Variants in ESAM observed in about 807,000 individuals in gnomAD.
ESAM encodes endothelial cell-selective adhesion molecule.
Under a neutral mutation model 31.8 loss-of-function variants are expected in ESAM, and 23 were observed. The observed-to-expected ratio is 0.72, with a 90% confidence interval of 0.52 to 1.03. The LOEUF (loss-of-function observed/expected upper bound fraction) is 1.03, where lower values mean the gene tolerates loss of function less well. Among genes scored for constraint, ESAM ranks in the 50% least tolerant of loss-of-function variants. The probability of loss-of-function intolerance (pLI) is 0.00; values close to 1 mark genes in which losing one functional copy is unlikely to be tolerated. For missense variants in ESAM, 478 were observed against 488.9 expected (o/e 0.98, Z 0.21); for synonymous variants, 216 against 207.2 (o/e 1.04, Z -0.37).
chr11:124,753,907 G>A lies in ESAM; in HGVS notation c.912C>T (p.Ile304=), dbSNP rs1944123234. Residue 304 remains isoleucine, a synonymous_variant, in exon 7 of 7, where the codon ATC becomes ATT. Coordinates refer to ENST00000278927, the MANE Select transcript of ESAM (RefSeq NM_138961.3). Reference sequence around the variant, plus strand: ...CAGAGGAAAGGGTCCCATTCTTGGAGATTGTGTCTGAGCTCTTGGGCCAGG... The same window carrying A: ...CAGAGGAAAGGGTCCCATTCTTGGAAATTGTGTCTGAGCTCTTGGGCCAGG... ...TLPWPKSSDT[I]SKNGTLSSVT... 2 of 1,614,070 alleles carry A rather than the reference G, an allele frequency of 1.2e-6. No homozygotes were observed. The highest frequency in any genetic ancestry group is 1.3e-5 in the African/African-American group (1 of 75,036).
intron 1 of ESAM, among the ~76,000 whole-genome samples, chr11:124,761,297 C>T (rs188891043): frequency 3.2e-3 from 489 of 152,312 alleles, no homozygotes; most frequent in Middle Eastern, 6.8e-3. Context: ...GAGTTCTGAG[C>T]CACCCCAGCT....
Position 124,754,370 on chromosome 11 carries a change from A to T in ESAM, c.731-30T>A, listed in dbSNP as rs775652027. The T allele has an allele frequency of 3.1e-6, 5 of 1,611,278 alleles. No individual in the cohort carries two copies. The South Asian group carries it at 4.4e-5, about 14-fold the overall frequency. ...AAAAGGCGTCGTGTCAGAGGAGGACACCCAGCTGAGGGGTTCTCACCCCTC... is the reference window on the plus strand; with the variant it reads ...AAAAGGCGTCGTGTCAGAGGAGGACTCCCAGCTGAGGGGTTCTCACCCCTC... On this transcript the variant is annotated intron_variant, in intron 5 of 6. Coordinates refer to ENST00000278927, the MANE Select transcript of ESAM (RefSeq NM_138961.3). This position sits in a 1 kb window ranked among gnomAD's most constrained non-coding sequence, Gnocchi z 4.5.
At position 124,754,596 on chromosome 11, in the gene ESAM, C is replaced by G. The variant is rs1437979105; in HGVS notation, c.730+45G>C. 1.5e-5 allele frequency: 23 copies of G among 1,585,712 alleles called. No individual in the cohort carries two copies. The Admixed American group carries it at 4.0e-4, about 28-fold the overall frequency. ...CCTCCTCCCCACTTGCAACCCCTCC[C>G]CCACCATTGACCACTCTTCTTAACC... On this transcript the variant is annotated intron_variant, in intron 5 of 6. Coordinates refer to ENST00000278927, the MANE Select transcript of ESAM (RefSeq NM_138961.3). This position sits in a 1 kb window ranked among gnomAD's most constrained non-coding sequence, Gnocchi z 4.5.
intron 1 of ESAM, among the ~76,000 whole-genome samples, chr11:124,761,220 G>A (rs1222773708): frequency 1.3e-5 from 2 of 152,208 alleles, no homozygotes; most frequent in Non-Finnish European, 2.9e-5. Flanking sequence ...GAGATGGCAA[G>A]AAAGCTGAGG....
rs1057010233 is a variant in ESAM, at chr11:124,759,819, C to G, written c.71-1292G>C. 5.3e-5 allele frequency among the ~76,000 whole-genome samples: 8 copies of G among 152,164 alleles called. No individual in the cohort carries two copies. Among genetic ancestry groups the G allele is most frequent in the Non-Finnish European group, 1.0e-4 (7 of 68,008 alleles). ...AAGGCAGAAGACAATGAAGGGGGGG[C>G]CACTAGACCGGAGGCTCTACGGGAG... On this transcript the variant is annotated intron_variant, in intron 1 of 6. Coordinates refer to ENST00000278927, the MANE Select transcript of ESAM (RefSeq NM_138961.3). The surrounding 1 kb of genome is among the most constrained non-coding windows in gnomAD (Gnocchi z 6.8).
Position 124,762,102 on chromosome 11 carries a change from A to T in ESAM, c.53T>A (p.Leu18Gln). The T allele has an allele frequency of 6.2e-7, 1 of 1,610,366 alleles. No individual in the cohort carries two copies. Among genetic ancestry groups the T allele is most frequent in the Non-Finnish European group, 8.5e-7 (1 of 1,178,218 alleles). Residue 18 changes from leucine to glutamine, a missense_variant, in exon 1 of 7, where the codon CTG becomes CAG. By Grantham distance (113) the Leu-to-Gln change is moderately radical (BLOSUM62 -2). Coordinates refer to ENST00000278927, the MANE Select transcript of ESAM (RefSeq NM_138961.3). The surrounding 1 kb of genome is among the most constrained non-coding windows in gnomAD (Gnocchi z 6.4). ...TCACTCACCGAGGGCACTCAGCCCC[A>T]GGAACAAAAACCGCAGCAAGTTGGT... is the stretch of plus-strand genomic sequence containing the variant. Reference protein sequence around the residue: ...LVTNLLRFLFLGLSALAPPSR... With the variant: ...LVTNLLRFLFQGLSALAPPSR...
At chr11:124,760,969 T>TG (rs1048310189) in intron 1 of ESAM, among the ~76,000 whole-genome samples, 3 of 152,168 alleles carry the variant, frequency 2.0e-5, no homozygotes, top group Admixed American at 2.0e-4. Flanking sequence ...TGGTGTGGCC[T>TG]GGGGGGCTGT....
rs773732062 is a variant in ESAM, at chr11:124,758,525, G to C, written c.73C>G (p.Pro25Ala). 6.4e-7 allele frequency: 1 copy of C among 1,552,342 alleles called. No individual in the cohort carries two copies. The highest frequency in any genetic ancestry group is 1.2e-5 in the South Asian group (1 of 83,388). Reference protein sequence around the residue: ...FLFLGLSALAPPSRAQLQLHL... With the variant: ...FLFLGLSALAAPSRAQLQLHL... ...AGTTGCAGCTGGGCCCGCGAGGGGGGCGCTGGAGACAAGAGCGAGGCGTGA... is the reference window on the plus strand; with the variant it reads ...AGTTGCAGCTGGGCCCGCGAGGGGGCCGCTGGAGACAAGAGCGAGGCGTGA... Residue 25 changes from proline (P) to alanine (A), a missense_variant and splice_region_variant, in exon 2 of 7, where the codon CCC (proline) becomes GCC (alanine). By Grantham distance (27) the Pro-to-Ala change is conservative. Transcript: ENST00000278927.
rs141883305 is a variant in ESAM at position 124,758,615 on chromosome 11, A to G, written c.71-88T>C. ...CCCTACGCGGCTTCACCAGAGAGCG[A>G]GGAAAGTCGCTTTAACTGGAAAGAG... On this transcript the variant is annotated intron_variant, in intron 1 of 6. Transcript: ENST00000278927. 6 of 1,405,036 alleles carry G rather than the reference A, an allele frequency of 4.3e-6. No individual in the cohort carries two copies. In the East Asian group the frequency reaches 1.6e-4, roughly 37 times the overall value. 87.0% of individuals were successfully genotyped at this position (1,405,036 alleles called of 1,614,324 possible).
chr11:124,756,940 G>A, intron 2 of ESAM, 198 bp from the exon 3 acceptor site: 1 of 595,242 alleles, frequency 1.7e-6, no homozygotes, highest in Non-Finnish European at 3.0e-6. Flanking sequence ...CACCAGAACA[G>A]TTCTTCGTTC....
chr11:124,754,009 A>G lies in ESAM; in HGVS notation c.858-48T>C, dbSNP rs1255142145. 6.3e-7 allele frequency: 1 copy of G among 1,599,480 alleles called. No individual in the cohort carries two copies. Among genetic ancestry groups the G allele is most frequent in the Non-Finnish European group, 8.5e-7 (1 of 1,172,810 alleles). ...GAGGTCAGAAGTGGGTGGGGGAAGG[A>G]GGAGAGAGTTTCTACCTGCTTGGTC... is the stretch of plus-strand genomic sequence containing the variant. On this transcript the variant is annotated intron_variant, in intron 6 of 6. Transcript: ENST00000278927. The surrounding 1 kb of genome is among the most constrained non-coding windows in gnomAD (Gnocchi z 4.5).
At chr11:124,760,645 C>T (rs1944218005) in intron 1 of ESAM, among the ~76,000 whole-genome samples, 1 of 152,228 alleles carries the variant, frequency 6.6e-6, no homozygotes, top group African/African-American at 2.4e-5. Context: ...GGGCAACCCC[C>T]CAGGGGGACC....
rs755020934 is a variant in ESAM, at chr11:124,754,090, C to G, written c.857+124G>C. The G allele has an allele frequency of 5.8e-5, 90 of 1,553,472 alleles. No individual in the cohort carries two copies. The highest frequency in any genetic ancestry group is 7.8e-5 in the Non-Finnish European group (89 of 1,146,702). ...TACTCCTTTCCCTCTCCCTTAAAAC[C>G]TGCCCATAGGAATGATGTTTCAGCC... is the stretch of plus-strand genomic sequence containing the variant. On this transcript the variant is annotated intron_variant, in intron 6 of 6. Coordinates refer to ENST00000278927, the MANE Select transcript of ESAM (RefSeq NM_138961.3). This position sits in a 1 kb window ranked among gnomAD's most constrained non-coding sequence, Gnocchi z 4.5.
rs1457663115 is a variant in ESAM at position 124,762,019 on chromosome 11, C to T, written c.70+66G>A. The stretch of plus-strand genomic sequence containing the variant: ...CAGTTCCGCAGCAGTGGCCAAAGTT[C>T]TCCCTCAGGGTCGAACTCACCCCAT... On this transcript the variant is annotated intron_variant, in intron 1 of 6. Coordinates refer to ENST00000278927, the MANE Select transcript of ESAM (RefSeq NM_138961.3). The surrounding 1 kb of genome is among the most constrained non-coding windows in gnomAD (Gnocchi z 6.4). 5.5e-6 allele frequency: 8 copies of T among 1,451,248 alleles called. No individual in the cohort carries two copies. The highest frequency in any genetic ancestry group is 2.4e-5 in the South Asian group (2 of 83,554). 89.9% of individuals were successfully genotyped at this position (1,451,248 alleles called of 1,614,324 possible).
Position 124,753,765 on chromosome 11 carries a change from C to T in ESAM, c.1054G>A (p.Gly352Arg). ...LPSPRLPTTD[G>R]AHPQPISPIP... is the part of the protein sequence containing the mutation. ...GGGGATATTGGTTGAGGGTGGGCCCCATCTGTCGTGGGCAGTCTTGGTGAG... is the reference window on the plus strand; with the variant it reads ...GGGGATATTGGTTGAGGGTGGGCCCTATCTGTCGTGGGCAGTCTTGGTGAG... Residue 352 changes from glycine (G) to arginine (R), a missense_variant, in exon 7 of 7, where the codon GGG becomes AGG. By Grantham distance (125) the Gly-to-Arg change is moderately radical. Transcript: ENST00000278927. 1.9e-6 allele frequency: 3 copies of T among 1,614,066 alleles called. No individual in the cohort carries two copies. Among genetic ancestry groups the T allele is most frequent in the Non-Finnish European group, 1.7e-6 (2 of 1,179,980 alleles).
At chr11:124,757,950 C>T (rs540585323) in intron 2 of ESAM, among the ~76,000 whole-genome samples, 3 of 152,206 alleles carry the variant, frequency 2.0e-5, no homozygotes, top group East Asian at 3.9e-4. Flanking sequence ...GTGCCCACCT[C>T]GGCCTCCCAA....
rs541572581 is a variant in ESAM at position 124,753,407 on chromosome 11, A to C, written c.*239T>G. On this transcript the variant is annotated 3_prime_UTR_variant, in exon 7 of 7. Coordinates refer to ENST00000278927, the MANE Select transcript of ESAM (RefSeq NM_138961.3). ...AGCTAATTTCAGCAGCTGGCTTCAT[A>C]AGGAGGAGTCAGGGGTGGGTGGAGG... The C allele has an allele frequency of 1.9e-6, 1 of 535,334 alleles. No individual in the cohort carries two copies. Among genetic ancestry groups the C allele is most frequent in the East Asian group, 3.3e-5 (1 of 30,752 alleles). 33.2% of individuals were successfully genotyped at this position (535,334 alleles called of 1,614,324 possible). A position where few individuals can be genotyped will look rare whatever the true frequency, so the allele number is the denominator to read the frequency against.
At position 124,754,152 on chromosome 11, in the gene ESAM, T is replaced by G; in HGVS notation, c.857+62A>C. The G allele has an allele frequency of 6.3e-7, 1 of 1,587,096 alleles. No homozygotes were observed. The highest frequency in any genetic ancestry group is 1.2e-5 in the South Asian group (1 of 86,158). On this transcript the variant is annotated intron_variant, in intron 6 of 6. Coordinates refer to ENST00000278927, the MANE Select transcript of ESAM (RefSeq NM_138961.3). This position sits in a 1 kb window ranked among gnomAD's most constrained non-coding sequence, Gnocchi z 4.5. The stretch of plus-strand genomic sequence containing the variant: ...CCCAATAGATGAGAGCTGCCTGAAT[T>G]CCCAGCCTCTGTGAGGAGAGCTGGG...
intron 1 of ESAM, among the ~76,000 whole-genome samples, chr11:124,758,877 C>A (rs890924743): frequency 8.5e-5 from 13 of 152,154 alleles, no homozygotes; most frequent in African/African-American, 3.1e-4. Context: ...AAGGGTGGAC[C>A]GACTGTTTCT....
Sources: allele counts gnomAD v4.1 joint callset (sites outside exome capture counted in the v4.1 genomes callset), GRCh38; gene constraint gnomAD v4.1.1; non-coding constraint Gnocchi (gnomAD v3.1); transcripts MANE v1.5; gene names NCBI Gene and HGNC (gene_info 2026-07-23, HGNC 2026-07-21).